The following SLC13A3 variants were observed in gnomAD, a reference collection of about 807,000 sequenced individuals.
SLC13A3 encodes solute carrier family 13 member 3, also known as Na(+)/dicarboxylate cotransporter 3.
SLC13A3 carries 40 observed loss-of-function variants against 59.0 expected under a neutral mutation model. The observed-to-expected ratio is 0.68, with a 90% CI of 0.53 to 0.88. SLC13A3 has a LOEUF of 0.88. Among genes scored for constraint, SLC13A3 ranks in the 40% least tolerant of loss-of-function variants. SLC13A3 has a pLI of 0.00. For synonymous variants in SLC13A3, 317 were observed against 330.3 expected (o/e 0.96, Z 0.44); for missense variants, 699 against 783.2 (o/e 0.89, Z 1.28).
Position 46,597,424 on chromosome 20 carries a change from T to C in SLC13A3, c.609-1082A>G, listed in dbSNP as rs118098240. 4.2e-3 allele frequency among the ~76,000 whole-genome samples: 634 copies of C among 152,276 alleles called. 5 individuals carry two copies. Among genetic ancestry groups the C allele is most frequent in the Admixed American group, 8.5e-3 (130 of 15,286 alleles). On this transcript the variant is annotated intron_variant, in intron 4 of 12. Coordinates refer to ENST00000279027, the MANE Select transcript of SLC13A3 (RefSeq NM_022829.6). ...CATAGAATTATCAATTTATGTTTTA[T>C]TTTATTATTTATTTTTATTTTTCAT...
chr20:46,592,162 TG>T (rs1278570575), intron 6 of SLC13A3, among the ~76,000 whole-genome samples: 3 of 152,160 alleles, frequency 2.0e-5, no homozygotes, highest in Non-Finnish European at 4.4e-5. Context: ...CAATGTGCTA[TG>T]ATCGCACCAC....
chr20:46,632,084 G>A (rs1288459429), intron 1 of SLC13A3, among the ~76,000 whole-genome samples: 1 of 152,130 alleles, frequency 6.6e-6, no homozygotes, highest in African/African-American at 2.4e-5. Flanking sequence ...TGGTAGCTCT[G>A]TGCCAGGCAG....
chr20:46,627,460 C>T (rs1051836316), intron 1 of SLC13A3, among the ~76,000 whole-genome samples: 12 of 152,174 alleles, frequency 7.9e-5, no homozygotes, highest in African/African-American at 2.9e-4. Flanking sequence ...CCTCCCCTAC[C>T]ACGAGGACAA....
At position 46,650,453 on chromosome 20, in the gene SLC13A3, C is replaced by T. The variant is rs73313062; in HGVS notation, c.111+858G>A. On this transcript the variant is annotated intron_variant, in intron 1 of 12. Coordinates refer to ENST00000279027, the MANE Select transcript of SLC13A3 (RefSeq NM_022829.6). ...TGATACACAAAAGGCAAATCCTCAC[C>T]CGTAGTAAGCACTCATGAATCTTAC... Among the ~76,000 whole-genome samples the T allele has an allele frequency of 7.9e-3, 1,205 of 152,234 alleles. 17 individuals are homozygous for T. Among genetic ancestry groups the T allele is most frequent in the African/African-American group, 0.028 (1,151 of 41,518 alleles).
chr20:46,657,506 CT>C (rs1255949285), intron 1 of SLC13A3, among the ~76,000 whole-genome samples: 2 of 152,092 alleles, frequency 1.3e-5, no homozygotes, highest in African/African-American at 2.4e-5. Flanking sequence ...TTGCTGACTT[CT>C]TTCAGTGCTC....
chr20:46,575,946 A>G (rs1309628411), intron 9 of SLC13A3, among the ~76,000 whole-genome samples: 1 of 152,178 alleles, frequency 6.6e-6, no homozygotes, highest in Non-Finnish European at 1.5e-5. Context: ...GACATCACTT[A>G]ACTCTCCCAA....
intron 3 of SLC13A3, chr20:46,600,444 A>AAAAGG (rs2062369104): frequency 2.8e-5 from 5 of 179,108 alleles, no homozygotes; most frequent in Non-Finnish European, 5.3e-5. Flanking sequence ...GGAAGGAAGG[A>AAAAGG]AAAGGAAAGG....
At chr20:46,666,303 C>T (rs940974568) in intron 1 of SLC13A3, among the ~76,000 whole-genome samples, 4 of 152,204 alleles carry the variant, frequency 2.6e-5, no homozygotes, top group African/African-American at 9.6e-5. Flanking sequence ...CCCTTTAAGA[C>T]CTCATCACCT....
At chr20:46,594,088 C>T (rs1212264850) in intron 5 of SLC13A3, among the ~76,000 whole-genome samples, 3 of 152,018 alleles carry the variant, frequency 2.0e-5, no homozygotes, top group Admixed American at 1.3e-4. Flanking sequence ...CACATATTAC[C>T]TAGCATTCCT....
chr20:46,561,330 C>T (rs1431236589), intron 12 of SLC13A3, among the ~76,000 whole-genome samples: 1 of 152,164 alleles, frequency 6.6e-6, no homozygotes, highest in Non-Finnish European at 1.5e-5. Context: ...GTCGTCAGGA[C>T]CTCCTGAAGC....
At chr20:46,593,605 G>A (rs914520938) in intron 5 of SLC13A3, among the ~76,000 whole-genome samples, 2 of 151,934 alleles carry the variant, frequency 1.3e-5, no homozygotes, top group African/African-American at 2.4e-5. Flanking sequence ...TAAAAATATT[G>A]TTTTAAAAAT....
At chr20:46,609,151 A>G (rs2122736029) in intron 3 of SLC13A3, 1 of 1,445,564 alleles carries the variant, frequency 6.9e-7, no homozygotes, top group Non-Finnish European at 9.1e-7. Context: ...AAATACAGTT[A>G]TGTAAATTAA....
chr20:46,596,051 T>C, intron 5 of SLC13A3, 106 bp downstream of exon 5: 1 of 1,053,388 alleles, frequency 9.5e-7, no homozygotes, highest in Non-Finnish European at 1.4e-6. Flanking sequence ...TCCCAGAGCC[T>C]GGCCCAGAGA....
At chr20:46,596,923 C>T (rs112346156) in intron 4 of SLC13A3, among the ~76,000 whole-genome samples, 93 of 152,124 alleles carry the variant, frequency 6.1e-4, no homozygotes, top group African/African-American at 2.2e-3. Flanking sequence ...CATGGTGGCA[C>T]GCACCTATAG....
chr20:46,561,721 G>A (rs1372042596), intron 12 of SLC13A3, among the ~76,000 whole-genome samples: 3 of 151,352 alleles, frequency 2.0e-5, no homozygotes, highest in African/African-American at 7.3e-5. Context: ...TACCACGGAC[G>A]GGTGGGGGAC....
intron 10 of SLC13A3, among the ~76,000 whole-genome samples, chr20:46,569,366 C>A (rs771069675): frequency 6.6e-6 from 1 of 152,108 alleles, no homozygotes; most frequent in East Asian, 1.9e-4. Context: ...CCCAGGGACT[C>A]CAGGGACCAG....
chr20:46,618,184 C>T (rs1237441082), intron 1 of SLC13A3, among the ~76,000 whole-genome samples: 1 of 150,342 alleles, frequency 6.7e-6, no homozygotes, highest in Non-Finnish European at 1.5e-5. Context: ...GGTGCCCAGC[C>T]CATCCCTGGT....
At chr20:46,583,297 C>A in intron 9 of SLC13A3, 1 of 841,380 alleles carries the variant, frequency 1.2e-6, no homozygotes, top group Non-Finnish European at 1.5e-6. Context: ...TTTTTTCAAC[C>A]ATTTAAAAAT....
At chr20:46,609,132 T>C (rs1280662564) in intron 3 of SLC13A3, 2 of 1,478,192 alleles carry the variant, frequency 1.4e-6, no homozygotes, top group African/African-American at 1.4e-5. Flanking sequence ...AATTCAAATC[T>C]TCCTTTTAAA....
Sources: gnomAD v4.1 joint callset for allele counts (sites outside exome capture counted in the v4.1 genomes callset) on GRCh38, gnomAD v4.1.1 for gene constraint, MANE v1.5 for transcripts, NCBI Gene and HGNC (gene_info 2026-07-23, HGNC 2026-07-21) for gene names.